DBF4B: variants seen among roughly 807,000 people sequenced by gnomAD.
DBF4B encodes the protein protein DBF4 homolog B.
DBF4B carries 49 observed loss-of-function variants against 53.4 expected under a neutral mutation model. The observed-to-expected ratio is 0.92, with a 90% CI of 0.73 to 1.16. The LOEUF (loss-of-function observed/expected upper bound fraction) is 1.16, where lower values mean the gene tolerates loss of function less well. DBF4B is among the 50% of genes most tolerant of loss of function. The pLI is 0.00. For synonymous variants in DBF4B, 257 were observed against 288.7 expected (o/e 0.89, Z 1.11); for missense variants, 692 against 775.0 (o/e 0.89, Z 1.27).
chr17:44,744,808 T>G (rs571376894), intron 10 of DBF4B, among the ~76,000 whole-genome samples: 1 of 152,280 alleles, frequency 6.6e-6, no homozygotes, highest in East Asian at 1.9e-4. Context: ...TAATTTTTGT[T>G]TTTTCTTACT....
chr17:44,732,311 T>A, intron 6 of DBF4B, 46 bp downstream of exon 6: 1 of 1,600,754 alleles, frequency 6.2e-7, no homozygotes, highest in East Asian at 2.2e-5. Flanking sequence ...ATTGGTGACT[T>A]TGACCAGGAG....
intron 10 of DBF4B, among the ~76,000 whole-genome samples, chr17:44,743,109 G>A (rs1422507541): frequency 6.6e-6 from 1 of 152,234 alleles, no homozygotes; most frequent in Non-Finnish European, 1.5e-5. Context: ...GGATACCAGG[G>A]AGAGCCAGTC....
Position 44,751,781 on chromosome 17 carries a change from G to A in DBF4B, c.*528G>A. The A allele has an allele frequency of 1.3e-6, 2 of 1,502,872 alleles. No homozygotes were observed. The highest frequency in any genetic ancestry group is 1.8e-6 in the Non-Finnish European group (2 of 1,128,420). The allele number at this position is 1,502,872 out of a possible 1,614,324, so 93.1% of individuals were successfully genotyped here. ...ATTCCACTAAGATCATCTATTCCAA[G>A]GTCATGGACAGGCTACTGGTGACCA... is the stretch of plus-strand genomic sequence containing the variant. On this transcript the variant is annotated 3_prime_UTR_variant, in exon 14 of 14. Coordinates refer to ENST00000315005, the MANE Select transcript of DBF4B (RefSeq NM_145663.3).
rs557650069 is a variant in DBF4B at position 44,720,136 on chromosome 17, C to A, written c.83-2744C>A. 1.3e-5 allele frequency: 4 copies of A among 298,680 alleles called. No homozygotes were observed. In the East Asian group the frequency reaches 3.7e-4, roughly 28 times the overall value. The allele number at this position is 298,680 out of a possible 1,614,324, so 18.5% of individuals were successfully genotyped here. A position where few individuals can be genotyped will look rare whatever the true frequency, so the allele number is the denominator to read the frequency against. On this transcript the variant is annotated intron_variant, in intron 2 of 13. Transcript: ENST00000315005. ...AGGAAAACCACCCTCGCCTCTGTGG[C>A]GCCCAGTGGTGATGATCAGAATCGT...
chr17:44,735,383 G>A (rs560039066), intron 7 of DBF4B, among the ~76,000 whole-genome samples: 20 of 152,194 alleles, frequency 1.3e-4, no homozygotes, highest in African/African-American at 4.6e-4. Flanking sequence ...AACTTAATCA[G>A]TTTTGTAGGC....
chr17:44,736,230 T>A (rs1975418400), intron 7 of DBF4B, among the ~76,000 whole-genome samples: 1 of 151,900 alleles, frequency 6.6e-6, no homozygotes, highest in Admixed American at 6.6e-5. Flanking sequence ...GCAATCCACC[T>A]GCCTCGGCCT....
At chr17:44,728,954 A>G (rs930708416) in intron 3 of DBF4B, among the ~76,000 whole-genome samples, 4 of 151,384 alleles carry the variant, frequency 2.6e-5, no homozygotes, top group Non-Finnish European at 5.9e-5. Flanking sequence ...AAAATTAGCC[A>G]GTGTGGTGGG....
chr17:44,727,115 A>C (rs958149393), intron 3 of DBF4B, among the ~76,000 whole-genome samples: 1 of 145,212 alleles, frequency 6.9e-6, no homozygotes, highest in Non-Finnish European at 1.5e-5. Flanking sequence ...AAAAAAAAAA[A>C]AAAAAAACCA....
chr17:44,719,798 G>T, intron 2 of DBF4B: 1 of 228,204 alleles, frequency 4.4e-6, no homozygotes. Context: ...CCATTCGTTA[G>T]GGCAGACACA....
rs990578714 is a variant in DBF4B at position 44,751,667 on chromosome 17, C to T, written c.*414C>T. 2.1e-6 allele frequency: 3 copies of T among 1,399,054 alleles called. No individual in the cohort carries two copies. Among genetic ancestry groups the T allele is most frequent in the Non-Finnish European group, 2.8e-6 (3 of 1,078,522 alleles). 86.7% of individuals were successfully genotyped at this position (1,399,054 alleles called of 1,614,324 possible). The stretch of plus-strand genomic sequence containing the variant: ...TACTTGAAGGCTCCCACCTTCTGTT[C>T]TCTGGCTCCTTCCTGCGGTCTATAC... On this transcript the variant is annotated 3_prime_UTR_variant, in exon 14 of 14. Coordinates refer to ENST00000315005, the MANE Select transcript of DBF4B (RefSeq NM_145663.3).
At chr17:44,736,128 TG>T (rs1975404154) in intron 7 of DBF4B, among the ~76,000 whole-genome samples, 1 of 151,018 alleles carries the variant, frequency 6.6e-6, no homozygotes, top group Non-Finnish European at 1.5e-5. Context: ...ACTACGGGCA[TG>T]CGCCACCATG....
At chr17:44,729,408 G>A (rs1314208098) in intron 3 of DBF4B, among the ~76,000 whole-genome samples, 1 of 151,740 alleles carries the variant, frequency 6.6e-6, no homozygotes, top group Non-Finnish European at 1.5e-5. Flanking sequence ...ATCTTACTAT[G>A]TTGCCCAGGC....
intron 1 of DBF4B, 133 bp from the exon 2 acceptor site, chr17:44,709,171 G>A: frequency 1.7e-6 from 2 of 1,157,292 alleles, no homozygotes; most frequent in Non-Finnish European, 2.6e-6. Flanking sequence ...GATGTAGGTC[G>A]GAATGGAGTT....
chr17:44,738,233 G>A (rs1180153981), intron 8 of DBF4B, 146 bp from the exon 9 acceptor site: 45 of 800,178 alleles, frequency 5.6e-5, no homozygotes, highest in Non-Finnish European at 7.8e-5. Context: ...TGAATGGAGA[G>A]CGCAGCCTGG....
intron 6 of DBF4B, 113 bp from the exon 7 acceptor site, chr17:44,733,977 G>C: frequency 1.2e-6 from 1 of 830,764 alleles, no homozygotes; most frequent in East Asian, 2.4e-5. Flanking sequence ...AGGCAAGGCT[G>C]GAGTGATTCA....
At chr17:44,714,733 G>A (rs1445778612) in intron 2 of DBF4B, among the ~76,000 whole-genome samples, 3 of 151,908 alleles carry the variant, frequency 2.0e-5, no homozygotes. Flanking sequence ...TTTTTTTGTA[G>A]AAGTGGAGTC....
rs1976013775 is a variant in DBF4B at position 44,741,438 on chromosome 17, C to T, written c.816C>T (p.Ser272=). The T allele has an allele frequency of 1.2e-6, 2 of 1,608,896 alleles. No homozygotes were observed. The highest frequency in any genetic ancestry group is 1.3e-5 in the African/African-American group (1 of 74,728). The change falls in exon 10 of 14, where the codon AGC becomes AGT. Residue 272 remains serine (S), a synonymous_variant. Coordinates refer to ENST00000315005, the MANE Select transcript of DBF4B (RefSeq NM_145663.3). ...TTGAGGCCCCGACGACCCTGGGCAGCATGCACCATACCAGGTGGGTCTTTC... is the reference window on the plus strand; with the variant it reads ...TTGAGGCCCCGACGACCCTGGGCAGTATGCACCATACCAGGTGGGTCTTTC... ...SPFEAPTTLG[S]MHHTRESKDG...
chr17:44,717,489 T>C (rs1973427620), intron 2 of DBF4B, among the ~76,000 whole-genome samples: 2 of 151,488 alleles, frequency 1.3e-5, no homozygotes, highest in South Asian at 2.1e-4. Context: ...GGGGAATCAT[T>C]TGAAGCTAGG....
intron 9 of DBF4B, among the ~76,000 whole-genome samples, chr17:44,741,051 T>C (rs2041051): frequency 0.91 from 138,789 of 151,874 alleles, 63,469 homozygotes; most frequent in African/African-American, 0.94. Context: ...AGGAGAATGG[T>C]GTGAACCTGG....
Sources: allele counts gnomAD v4.1 joint callset (sites outside exome capture counted in the v4.1 genomes callset), GRCh38; gene constraint gnomAD v4.1.1; transcripts MANE v1.5; gene names NCBI Gene and HGNC (gene_info 2026-07-23, HGNC 2026-07-21).